The following ERCC5 variants were observed in gnomAD, a reference collection of about 807,000 sequenced individuals.
The protein encoded by ERCC5 is DNA excision repair protein ERCC-5.
Under a neutral mutation model 105.6 loss-of-function variants are expected in ERCC5, and 68 were observed. That is an observed-to-expected ratio of 0.64 (90% CI 0.53 to 0.79). ERCC5 has a LOEUF of 0.79. ERCC5 is among the 30% of genes least tolerant of loss of function. ERCC5 has a pLI of 0.00. For synonymous variants in ERCC5, 546 were observed against 526.2 expected, an observed-to-expected ratio of 1.04 and a Z score of -0.51; for missense variants, 1,373 against 1,426.7, an observed-to-expected ratio of 0.96 and a Z score of 0.61.
At chr13:102,871,930 A>T (rs1883047111) in intron 12 of ERCC5, among the ~76,000 whole-genome samples, 1 of 152,134 alleles carries the variant, frequency 6.6e-6, no homozygotes, top group South Asian at 2.1e-4. Context: ...CTCCTCTGTG[A>T]GGTGAGGGTA....
intron 13 of ERCC5, 142 bp downstream of exon 13, chr13:102,872,540 C>T: frequency 4.9e-6 from 5 of 1,026,504 alleles, no homozygotes; most frequent in Non-Finnish European, 7.2e-6. Context: ...CCTTTTCACT[C>T]TTTCTTCCCT....
At chr13:102,847,048 G>T (rs1183986045) in intron 1 of ERCC5, among the ~76,000 whole-genome samples, 1 of 152,182 alleles carries the variant, frequency 6.6e-6, no homozygotes, top group African/African-American at 2.4e-5. Flanking sequence ...TATCCTGTCC[G>T]GGAGGTCAGT....
Position 102,875,604 on chromosome 13 carries a change from T to G in ERCC5, c.3262T>G (p.Leu1088Val). The change falls in exon 15 of 15, where the codon TTG becomes GTG. Residue 1088 changes from leucine to valine, a missense_variant. Physicochemically the swap from Leu to Val is conservative, Grantham distance 32. Coordinates refer to ENST00000652225, the MANE Select transcript of ERCC5 (RefSeq NM_000123.4). ...AGGAAAGAATACATGCGGTGGATTT[T>G]TGGGGGAGACCTGCCTCTCAGAATC... ...SKGKNTCGGF[L>V]GETCLSESSD... 2 of 1,613,554 alleles carry G rather than the reference T, an allele frequency of 1.2e-6. No individual in the cohort carries two copies. Among genetic ancestry groups the G allele is most frequent in the Non-Finnish European group, 1.7e-6 (2 of 1,179,744 alleles).
At chr13:102,859,453 T>C (rs1317930109) in intron 6 of ERCC5, among the ~76,000 whole-genome samples, 1 of 152,222 alleles carries the variant, frequency 6.6e-6, no homozygotes, top group Non-Finnish European at 1.5e-5. Flanking sequence ...AGGACAGAAG[T>C]AAATTGATTT....
chr13:102,854,761 T>C (rs4150274), intron 4 of ERCC5, among the ~76,000 whole-genome samples: 63,000 of 152,102 alleles, frequency 0.41, 13,887 homozygotes, highest in East Asian at 0.75. Context: ...TTGCTAAATC[T>C]AGCAGACGCT....
chr13:102,854,052 C>G, intron 3 of ERCC5, 180 bp downstream of exon 3: 1 of 734,096 alleles, frequency 1.4e-6, no homozygotes, highest in Non-Finnish European at 2.3e-6. Context: ...ATTCTCCGTT[C>G]TGTGAGAATC....
chr13:102,868,326 T>G, intron 12 of ERCC5, 69 bp downstream of exon 12: 1 of 1,594,378 alleles, frequency 6.3e-7, no homozygotes, highest in East Asian at 2.2e-5. Flanking sequence ...GAACTATTAT[T>G]TACAGCATGA....
Position 102,862,947 on chromosome 13 carries a change from G to C in ERCC5, c.1798G>C (p.Val600Leu), listed in dbSNP as rs1199408635. 6.2e-7 allele frequency: 1 copy of C among 1,614,220 alleles called. No individual in the cohort carries two copies. The highest frequency in any genetic ancestry group is 8.5e-7 in the Non-Finnish European group (1 of 1,180,038). ...VSVPSEAVDN[V>L]ENVVSFNAKE... The stretch of plus-strand genomic sequence containing the variant: ...TGTCCCTTCAGAGGCAGTAGATAAT[G>C]TGGAAAATGTGGTGTCATTTAATGC... The change falls in exon 8 of 15, where the codon GTG becomes CTG. Residue 600 changes from valine (V) to leucine (L), a missense_variant. Transcript: ENST00000652225.
At chr13:102,850,766 C>A (rs189169341) in intron 1 of ERCC5, among the ~76,000 whole-genome samples, 4 of 152,052 alleles carry the variant, frequency 2.6e-5, no homozygotes, top group Non-Finnish European at 5.9e-5. Flanking sequence ...GTCATCTGGG[C>A]TCTCTGTTCT....
chr13:102,858,087 A>G (rs565835250), intron 5 of ERCC5, among the ~76,000 whole-genome samples, 188 bp from the exon 6 acceptor site: 1 of 152,220 alleles, frequency 6.6e-6, no homozygotes, highest in African/African-American at 2.4e-5. Flanking sequence ...TTAAAGAGTG[A>G]ATGGCTACAT....
At position 102,862,188 on chromosome 13, in the gene ERCC5, G is replaced by C. The variant is rs759962943; in HGVS notation, c.1039G>C (p.Ala347Pro). ...ATPPSPRTLL[A>P]MQAALLGSSS... is the part of the protein sequence containing the mutation. ...CCCTCCTTCTCCAAGAACTTTACTA[G>C]CTATGCAAGCTGCCCTGCTGGGAAG... The change falls in exon 8 of 15, where the codon GCT becomes CCT. Residue 347 changes from alanine (A) to proline (P), a missense_variant. Physicochemically the swap from Ala to Pro is conservative, Grantham distance 27 (BLOSUM62 -1). Transcript: ENST00000652225. The C allele has an allele frequency of 1.9e-6, 3 of 1,614,174 alleles. No individual in the cohort carries two copies. Among genetic ancestry groups the C allele is most frequent in the Non-Finnish European group, 2.5e-6 (3 of 1,180,028 alleles).
rs1566474574 is a variant in ERCC5 at position 102,875,613 on chromosome 13, AC to A, written c.3273del (p.Cys1092AlafsTer19). 2 of 1,613,472 alleles carry A rather than the reference AC, an allele frequency of 1.2e-6. No homozygotes were observed. The highest frequency in any genetic ancestry group is 1.7e-6 in the Non-Finnish European group (2 of 1,179,752). On this transcript the variant is annotated frameshift_variant, in exon 15 of 15. Transcript: ENST00000652225. LOFTEE classifies it low-confidence loss of function (END_TRUNC). ...KNTCGGFLGETCLSESSDGSS... is the reference protein window; with the variant it reads ...KNTCGGFLGEXCLSESSDGSS... The stretch of plus-strand genomic sequence containing the variant: ...TACATGCGGTGGATTTTTGGGGGAG[AC>A]CTGCCTCTCAGAATCATCTGATGGA...
At chr13:102,847,107 C>A (rs987916925) in intron 1 of ERCC5, among the ~76,000 whole-genome samples, 1 of 152,050 alleles carries the variant, frequency 6.6e-6, no homozygotes, top group African/African-American at 2.4e-5. Flanking sequence ...GAGTCTTGCC[C>A]CATTTATGTT....
rs561842728 is a variant in ERCC5, at chr13:102,865,269, C to T, written c.1955-398C>T. The stretch of plus-strand genomic sequence containing the variant: ...GGAAGAGGAAGAACTATTTCTTAGT[C>T]ACAGCTTTATTCTGTGCTGTGTAAA... On this transcript the variant is annotated intron_variant, in intron 8 of 14. Transcript: ENST00000652225. This position sits in a 1 kb window ranked among gnomAD's most constrained non-coding sequence, Gnocchi z 4.0. 2.0e-4 allele frequency: 49 copies of T among 240,060 alleles called. No individual in the cohort carries two copies. The highest frequency in any genetic ancestry group is 2.6e-4 in the Non-Finnish European group (32 of 121,328). The allele number at this position is 240,060 out of a possible 1,614,324, so 14.9% of individuals were successfully genotyped here.
intron 12 of ERCC5, among the ~76,000 whole-genome samples, chr13:102,869,899 T>C (rs1882976727): frequency 2.6e-5 from 4 of 152,248 alleles, no homozygotes; most frequent in Admixed American, 2.6e-4. Flanking sequence ...CTTTTCTTTG[T>C]TCAGCAGTTT....
chr13:102,850,775 C>T (rs1253381586), intron 1 of ERCC5, among the ~76,000 whole-genome samples: 1 of 152,036 alleles, frequency 6.6e-6, no homozygotes, highest in Non-Finnish European at 1.5e-5. Flanking sequence ...GCTCTCTGTT[C>T]TGGGGTCAGG....
intron 10 of ERCC5, 106 bp from the exon 11 acceptor site, chr13:102,866,526 C>T (rs893177543): frequency 2.7e-5 from 43 of 1,599,040 alleles, no homozygotes; most frequent in Admixed American, 3.4e-5. Context: ...GTCCCTAACT[C>T]TGCAGGAATG....
Position 102,865,914 on chromosome 13 carries a change from A to G in ERCC5, c.2199+3A>G. ...ATGAATGGCAAGATATTAATTTGGT[A>G]ATACCGTAACATTGTGTTTCGACTT... On this transcript the variant is annotated splice_donor_region_variant and intron_variant, in intron 9 of 14. Coordinates refer to ENST00000652225, the MANE Select transcript of ERCC5 (RefSeq NM_000123.4). The surrounding 1 kb of genome is among the most constrained non-coding windows in gnomAD (Gnocchi z 4.0). The G allele has an allele frequency of 1.2e-6, 2 of 1,614,152 alleles. No homozygotes were observed. Among genetic ancestry groups the G allele is most frequent in the Non-Finnish European group, 1.7e-6 (2 of 1,180,030 alleles).
chr13:102,870,026 A>G (rs1457642947), intron 12 of ERCC5, among the ~76,000 whole-genome samples: 1 of 152,232 alleles, frequency 6.6e-6, no homozygotes, highest in Non-Finnish European at 1.5e-5. Flanking sequence ...CAGGACATTT[A>G]GGATGAATAC....
Sources: gnomAD v4.1 joint callset for allele counts (sites outside exome capture counted in the v4.1 genomes callset) on GRCh38, gnomAD v4.1.1 for gene constraint, Gnocchi (gnomAD v3.1) non-coding constraint, MANE v1.5 for transcripts, NCBI Gene and HGNC (gene_info 2026-07-23, HGNC 2026-07-21) for gene names.